The following TOM1L2 variants were observed in gnomAD, a reference collection of about 807,000 sequenced individuals.
The protein encoded by TOM1L2 is TOM1-like protein 2.
TOM1L2 carries 31 observed loss-of-function variants against 67.9 expected under a neutral mutation model. That is an observed-to-expected ratio of 0.46 (90% confidence interval 0.34 to 0.62). The LOEUF is 0.62. TOM1L2 is among the 20% of genes least tolerant of loss of function. The probability of loss-of-function intolerance (pLI) is 0.01; values close to 1 mark genes in which losing one functional copy is unlikely to be tolerated. For missense variants in TOM1L2, 606 were observed against 663.5 expected, an observed-to-expected ratio of 0.91 and a Z score of 0.95; for synonymous variants, 256 against 254.0, an observed-to-expected ratio of 1.01 and a Z score of -0.07.
chr17:17,933,877 C>G (rs2040422366), intron 1 of TOM1L2, among the ~76,000 whole-genome samples: 1 of 152,058 alleles, frequency 6.6e-6, no homozygotes, highest in South Asian at 2.1e-4. Flanking sequence ...GATGATCTGC[C>G]ACCCTAGACA....
At chr17:17,901,741 G>C (rs1418697834) in intron 2 of TOM1L2, among the ~76,000 whole-genome samples, 1 of 152,230 alleles carries the variant, frequency 6.6e-6, no homozygotes, top group Non-Finnish European at 1.5e-5. Context: ...TCTATGAGCT[G>C]AGGAGGGTCC....
intron 1 of TOM1L2, among the ~76,000 whole-genome samples, chr17:17,912,213 A>G (rs1463856216): frequency 3.3e-5 from 5 of 150,922 alleles, no homozygotes; most frequent in African/African-American, 1.2e-4. Flanking sequence ...GGGGCTCCTC[A>G]CTTCCCAGTA....
At chr17:17,861,449 G>C in intron 12 of TOM1L2, 27 bp downstream of exon 12, 1 of 1,608,126 alleles carries the variant, frequency 6.2e-7, no homozygotes. Flanking sequence ...GAAGACTCCA[G>C]GCAGAAAAAC....
chr17:17,947,987 G>T (rs1428301487), intron 1 of TOM1L2, among the ~76,000 whole-genome samples: 1 of 151,988 alleles, frequency 6.6e-6, no homozygotes, highest in Non-Finnish European at 1.5e-5. Flanking sequence ...TACTTTTGAT[G>T]GAGGAAAAGA....
At chr17:17,849,924 T>C (rs1329237231) in intron 13 of TOM1L2, among the ~76,000 whole-genome samples, 1 of 152,188 alleles carries the variant, frequency 6.6e-6, no homozygotes, top group East Asian at 1.9e-4. Context: ...TGGCAAGGCA[T>C]GTGTTTGGAA....
Position 17,922,531 on chromosome 17 carries a change from G to T in TOM1L2, c.53-15000C>A, listed in dbSNP as rs149351273. Among the ~76,000 whole-genome samples the T allele has an allele frequency of 2.5e-3, 388 of 152,326 alleles. 4 individuals carry two copies. Among genetic ancestry groups the T allele is most frequent in the African/African-American group, 8.9e-3 (370 of 41,566 alleles). ...TATCACAACTGCTCAGTGAGAAAAG[G>T]AGACAGGACAGCATGTTGGTCAAGG... On this transcript the variant is annotated intron_variant, in intron 1 of 14. Transcript: ENST00000379504.
rs4924825 is a variant in TOM1L2 at position 17,884,128 on chromosome 17, A to G, written c.501+506T>C. 7.5e-3 allele frequency among the ~76,000 whole-genome samples: 1,144 copies of G among 152,326 alleles called. 14 individuals carry two copies. Among genetic ancestry groups the G allele is most frequent in the African/African-American group, 0.026 (1,099 of 41,564 alleles). On this transcript the variant is annotated intron_variant, in intron 5 of 14. Coordinates refer to ENST00000379504, the MANE Select transcript of TOM1L2 (RefSeq NM_001082968.2). ...GGACCTTCCCAGGGCTTTGATCCCAAGGCTGATGGAATCAAGGATTGAATC... is the reference window on the plus strand; with the variant it reads ...GGACCTTCCCAGGGCTTTGATCCCAGGGCTGATGGAATCAAGGATTGAATC...
chr17:17,942,806 G>C (rs2040789611), intron 1 of TOM1L2, among the ~76,000 whole-genome samples: 1 of 152,188 alleles, frequency 6.6e-6, no homozygotes. Flanking sequence ...CAGAATTCCA[G>C]GAAAGGCTTT....
In TOM1L2 at chr17:17,942,999, T is replaced by C. The variant is rs192405035; in HGVS notation, c.52+29263A>G. Among the ~76,000 whole-genome samples, 64 of 152,316 alleles carry C rather than the reference T, an allele frequency of 4.2e-4. No individual in the cohort carries two copies. The East Asian group carries it at 7.7e-3, about 18-fold the overall frequency. ...TTATAAAGTAATATGATGCCTGGAA[T>C]CTGCTTCAAAATAATGCAGAGTGGG... On this transcript the variant is annotated intron_variant, in intron 1 of 14. Coordinates refer to ENST00000379504, the MANE Select transcript of TOM1L2 (RefSeq NM_001082968.2).
chr17:17,905,261 G>T (rs2039040655), intron 2 of TOM1L2, among the ~76,000 whole-genome samples: 1 of 152,152 alleles, frequency 6.6e-6, no homozygotes, highest in Admixed American at 6.5e-5. Flanking sequence ...CCCAACTCAA[G>T]TTCCCTGTGC....
At chr17:17,921,282 G>C (rs1300812369) in intron 1 of TOM1L2, among the ~76,000 whole-genome samples, 1 of 152,176 alleles carries the variant, frequency 6.6e-6, no homozygotes, top group African/African-American at 2.4e-5. Flanking sequence ...CTTCAGGCCA[G>C]CCAAACAACA....
At chr17:17,950,113 G>A (rs1451351777) in intron 1 of TOM1L2, among the ~76,000 whole-genome samples, 2 of 151,620 alleles carry the variant, frequency 1.3e-5, no homozygotes, top group African/African-American at 2.4e-5. Flanking sequence ...TGCCCGCCTC[G>A]GCCTCCCAAA....
At chr17:17,859,467 T>A (rs2036435557) in intron 12 of TOM1L2, 1 of 152,260 alleles carries the variant, frequency 6.6e-6, no homozygotes, top group Non-Finnish European at 1.5e-5. Flanking sequence ...TAACCTGAAA[T>A]GCTGCAGGTG....
chr17:17,937,839 C>A (rs931285711), intron 1 of TOM1L2, among the ~76,000 whole-genome samples: 1 of 152,200 alleles, frequency 6.6e-6, no homozygotes, highest in Non-Finnish European at 1.5e-5. Flanking sequence ...GGTTAGCACT[C>A]CACACTGGGC....
At chr17:17,905,360 A>G (rs1277284396) in intron 2 of TOM1L2, among the ~76,000 whole-genome samples, 1 of 152,214 alleles carries the variant, frequency 6.6e-6, no homozygotes, top group Non-Finnish European at 1.5e-5. Flanking sequence ...CTCAGGAAAC[A>G]GCAGCTCCAT....
intron 13 of TOM1L2, among the ~76,000 whole-genome samples, chr17:17,849,449 C>T (rs1210127399): frequency 1.3e-5 from 2 of 152,264 alleles, no homozygotes; most frequent in African/African-American, 4.8e-5. Flanking sequence ...GTCCTGCAGC[C>T]TCCTGGGAGC....
chr17:17,861,354 C>T, intron 12 of TOM1L2, 122 bp downstream of exon 12: 1 of 899,198 alleles, frequency 1.1e-6, no homozygotes, highest in Non-Finnish European at 1.7e-6. Flanking sequence ...TGGGTCTCTC[C>T]CCCAGGGTGT....
At chr17:17,865,527 CCA>C (rs1253722779) in intron 10 of TOM1L2, among the ~76,000 whole-genome samples, 1 of 151,984 alleles carries the variant, frequency 6.6e-6, no homozygotes, top group Non-Finnish European at 1.5e-5. Flanking sequence ...CAGGTGCCCG[CCA>C]CCAAGTCTGG....
intron 12 of TOM1L2, chr17:17,859,095 A>G (rs2036412186): frequency 6.6e-6 from 1 of 152,006 alleles, no homozygotes; most frequent in African/African-American, 2.4e-5. Context: ...TTTATTTTTG[A>G]GACGGAGTTT....
Sources: allele counts gnomAD v4.1 joint callset (sites outside exome capture counted in the v4.1 genomes callset), GRCh38; gene constraint gnomAD v4.1.1; transcripts MANE v1.5; gene names NCBI Gene and HGNC (gene_info 2026-07-23, HGNC 2026-07-21).